The following ATXN7L1 variants were observed in gnomAD, a reference collection of about 807,000 sequenced individuals.
ATXN7L1 encodes ataxin 7 like 1.
ATXN7L1 carries 15 observed loss-of-function variants against 70.8 expected under a neutral mutation model. The ratio of observed to expected loss-of-function variants is 0.21; its 90% CI spans 0.14 to 0.33. The LOEUF (loss-of-function observed/expected upper bound fraction) is 0.33, where lower values mean the gene tolerates loss of function less well. Ranked by LOEUF, ATXN7L1 falls within the 10% of genes least tolerant of loss-of-function variation. ATXN7L1 has a pLI of 1.00. For synonymous variants in ATXN7L1, 440 were observed against 445.1 expected (o/e 0.99, Z 0.14); for missense variants, 975 against 1,097.1 (o/e 0.89, Z 1.57).
In ATXN7L1 at chr7:105,607,629, C is replaced by G. The variant is rs368749033; in HGVS notation, c.*223G>C. On this transcript the variant is annotated 3_prime_UTR_variant, in exon 12 of 12. Coordinates refer to ENST00000419735, the MANE Select transcript of ATXN7L1 (RefSeq NM_020725.2). ...CAAATGAAAGGAAAGACAGCGGAAACCAAACACTGGAACTGTTTTCTGTAA... is the reference window on the plus strand; with the variant it reads ...CAAATGAAAGGAAAGACAGCGGAAAGCAAACACTGGAACTGTTTTCTGTAA... 5.4e-6 allele frequency: 3 copies of G among 556,224 alleles called. No homozygotes were observed. The highest frequency in any genetic ancestry group is 3.1e-5 in the Admixed American group (1 of 32,668). 34.5% of individuals were successfully genotyped at this position (556,224 alleles called of 1,614,324 possible).
intron 9 of ATXN7L1, among the ~76,000 whole-genome samples, chr7:105,616,495 T>C (rs949933659): frequency 1.3e-5 from 2 of 152,196 alleles, no homozygotes; most frequent in African/African-American, 4.8e-5. Flanking sequence ...AAACTCACAA[T>C]GGCCATGATG....
rs143047038 is a variant in ATXN7L1, at chr7:105,706,904, T to A, written c.356-41616A>T. Among the ~76,000 whole-genome samples, 19 of 152,372 alleles carry A rather than the reference T, an allele frequency of 1.2e-4. No homozygotes were observed. The East Asian group carries it at 2.5e-3, about 20-fold the overall frequency. On this transcript the variant is annotated intron_variant, in intron 3 of 11. Transcript: ENST00000419735. ...GGCATCAACCAAGAAATCTGCAGTG[T>A]GGCTGCTCTGATGCCATTGTACAAT...
At chr7:105,761,383 C>G in intron 3 of ATXN7L1, 1 of 1,614,168 alleles carries the variant, frequency 6.2e-7, no homozygotes, top group African/African-American at 1.3e-5. Flanking sequence ...CATTCTCACA[C>G]CTGATGCTTC....
intron 3 of ATXN7L1, among the ~76,000 whole-genome samples, chr7:105,720,436 A>G (rs1563035220): frequency 6.6e-6 from 1 of 152,080 alleles, no homozygotes; most frequent in Non-Finnish European, 1.5e-5. Flanking sequence ...TCATTCATTC[A>G]GAGACAGGGT....
chr7:105,643,665 G>A (rs544092358), intron 4 of ATXN7L1, among the ~76,000 whole-genome samples: 2 of 152,240 alleles, frequency 1.3e-5, no homozygotes, highest in African/African-American at 2.4e-5. Flanking sequence ...GCTGTCGGAC[G>A]GCTTCTGGAT....
intron 2 of ATXN7L1, among the ~76,000 whole-genome samples, chr7:105,853,167 T>A (rs935784406): frequency 3.9e-5 from 6 of 152,230 alleles, no homozygotes; most frequent in Non-Finnish European, 8.8e-5. Flanking sequence ...TGCACAACAC[T>A]GTGAATGTCC....
At chr7:105,662,111 T>C (rs143378582) in intron 4 of ATXN7L1, among the ~76,000 whole-genome samples, 3,705 of 145,520 alleles carry the variant, frequency 0.025, 105 homozygotes, top group East Asian at 0.058. Flanking sequence ...CTTTTCTTTT[T>C]TTTTTTTTTA....
In ATXN7L1 at chr7:105,692,403, T is replaced by TCCC. The variant is rs1791030784; in HGVS notation, c.356-27116_356-27115insGGG. ...CTTCCTTCCTTCCTTCCTTCCTTCC[T>TCCC]TCCTTCCTTCCTTCCTTCCTTCCTC... is the stretch of plus-strand genomic sequence containing the variant. On this transcript the variant is annotated intron_variant, in intron 3 of 11. Coordinates refer to ENST00000419735, the MANE Select transcript of ATXN7L1 (RefSeq NM_020725.2). Among the ~76,000 whole-genome samples the TCCC allele has an allele frequency of 1.0e-4, 7 of 68,066 alleles. No homozygotes were observed. The East Asian group carries it at 2.4e-3, about 23-fold the overall frequency. 44.7% of individuals were successfully genotyped at this position (68,066 alleles called of 152,430 possible). A position where few individuals can be genotyped will look rare whatever the true frequency, so the allele number is the denominator to read the frequency against.
At chr7:105,622,737 G>T (rs1795115102) in intron 8 of ATXN7L1, among the ~76,000 whole-genome samples, 2 of 152,166 alleles carry the variant, frequency 1.3e-5, no homozygotes, top group African/African-American at 4.8e-5. Flanking sequence ...AGATATAAGG[G>T]GAAGTCTGCT....
In ATXN7L1 at chr7:105,620,302, C is replaced by T. The variant is rs965075242; in HGVS notation, c.1415G>A (p.Arg472His). ...CACATAGTACCCTCGTCCCATGAGGCGACTCCCAAATGAGCAAAACTGTGA... is the reference window on the plus strand; with the variant it reads ...CACATAGTACCCTCGTCCCATGAGGTGACTCCCAAATGAGCAAAACTGTGA... ...RPLAFCSFGS[R>H]LMGRGYYVFD... Residue 472 changes from arginine to histidine, a missense_variant, in exon 9 of 12, where the codon CGC becomes CAC. Coordinates refer to ENST00000419735, the MANE Select transcript of ATXN7L1 (RefSeq NM_020725.2). 2.1e-5 allele frequency: 33 copies of T among 1,549,722 alleles called. No homozygotes were observed. Among genetic ancestry groups the T allele is most frequent in the East Asian group, 4.9e-5 (2 of 40,882 alleles).
intron 2 of ATXN7L1, among the ~76,000 whole-genome samples, chr7:105,822,033 G>A (rs1050993278): frequency 6.6e-6 from 1 of 152,228 alleles, no homozygotes; most frequent in Admixed American, 6.5e-5. Flanking sequence ...TCACATAATT[G>A]TCTTGCTGAG....
intron 2 of ATXN7L1, among the ~76,000 whole-genome samples, chr7:105,790,546 A>C (rs1450656181): frequency 6.6e-6 from 1 of 152,072 alleles, no homozygotes; most frequent in Non-Finnish European, 1.5e-5. Flanking sequence ...ACACCACTGC[A>C]CTCCAGCCTG....
At chr7:105,662,675 TTTTGTTTCTCTGTAGCTCATTTCTA>T (rs1801904986) in intron 4 of ATXN7L1, among the ~76,000 whole-genome samples, 1 of 152,178 alleles carries the variant, frequency 6.6e-6, no homozygotes, top group Non-Finnish European at 1.5e-5. Context: ...GCTTTCCTTA[TTTTGTTTCTCTGTAGCTCATTTCTA>T]GACTCTGAAT....
At chr7:105,775,593 G>A (rs1802616922) in intron 3 of ATXN7L1, among the ~76,000 whole-genome samples, 1 of 152,168 alleles carries the variant, frequency 6.6e-6, no homozygotes, top group African/African-American at 2.4e-5. Flanking sequence ...TAGTGTCAGG[G>A]TGGGAGGCGA....
rs1793476465 is a variant in ATXN7L1, at chr7:105,614,104, G to A, written c.2230C>T (p.Pro744Ser). The A allele has an allele frequency of 6.4e-7, 1 of 1,551,706 alleles. No homozygotes were observed. The highest frequency in any genetic ancestry group is 8.7e-7 in the Non-Finnish European group (1 of 1,147,002). ...GAVGGSSDSC[P>S]LSVPSLALHA... is the part of the protein sequence containing the mutation. ...AGCGCAAGGGAGGGCACAGAGAGGG[G>A]ACAGGAGTCACTGCTGCCTCCCACC... The change falls in exon 10 of 12, where the codon CCC becomes TCC. Residue 744 changes from proline to serine, a missense_variant. Coordinates refer to ENST00000419735, the MANE Select transcript of ATXN7L1 (RefSeq NM_020725.2). The surrounding 1 kb of genome is among the most constrained non-coding windows in gnomAD (Gnocchi z 4.3).
chr7:105,753,833 A>T (rs1175793055), intron 3 of ATXN7L1, among the ~76,000 whole-genome samples: 1 of 152,204 alleles, frequency 6.6e-6, no homozygotes, highest in Non-Finnish European at 1.5e-5. Flanking sequence ...TTTCTCTTTC[A>T]GAATCATATT....
At chr7:105,648,779 G>A (rs905168972) in intron 4 of ATXN7L1, among the ~76,000 whole-genome samples, 6 of 152,186 alleles carry the variant, frequency 3.9e-5, no homozygotes, top group African/African-American at 1.2e-4. Context: ...CCTTGGGCAC[G>A]CCCCTTCCAG....
At chr7:105,709,152 G>T (rs1433210125) in intron 3 of ATXN7L1, among the ~76,000 whole-genome samples, 1 of 152,150 alleles carries the variant, frequency 6.6e-6, no homozygotes, top group African/African-American at 2.4e-5. Context: ...GGCCAACATG[G>T]TGAAACCTTG....
intron 7 of ATXN7L1, among the ~76,000 whole-genome samples, chr7:105,634,162 G>T (rs1182929590): frequency 1.3e-5 from 2 of 152,190 alleles, no homozygotes; most frequent in Non-Finnish European, 2.9e-5. Flanking sequence ...GCCACAGGAA[G>T]GTGTTGACAC....
Sources: allele counts gnomAD v4.1 joint callset (sites outside exome capture counted in the v4.1 genomes callset), GRCh38; gene constraint gnomAD v4.1.1; non-coding constraint Gnocchi (gnomAD v3.1); transcripts MANE v1.5; gene names NCBI Gene and HGNC (gene_info 2026-07-23, HGNC 2026-07-21).